The following MINDY4 variants were observed in gnomAD, a reference collection of about 807,000 sequenced individuals.
MINDY4 encodes the protein MINDY lysine 48 deubiquitinase 4, also known as probable ubiquitin carboxyl-terminal hydrolase MINDY-4.
Under a neutral mutation model 87.0 loss-of-function variants are expected in MINDY4, and 68 were observed. The ratio of observed to expected loss-of-function variants is 0.78; its 90% CI spans 0.64 to 0.96. The LOEUF is 0.96. MINDY4 is among the 40% of genes least tolerant of loss of function. MINDY4 has a pLI of 0.00. For synonymous variants in MINDY4, 379 were observed against 363.2 expected (o/e 1.04, Z -0.50); for missense variants, 919 against 928.2 (o/e 0.99, Z 0.13).
intron 5 of MINDY4, among the ~76,000 whole-genome samples, chr7:30,793,604 A>T (rs1278861886): frequency 6.6e-6 from 1 of 152,028 alleles, no homozygotes; most frequent in Non-Finnish European, 1.5e-5. Context: ...TATTTTTTGT[A>T]GAGACGGGGT....
intron 17 of MINDY4, among the ~76,000 whole-genome samples, chr7:30,883,873 T>G (rs1417340733): frequency 6.6e-6 from 1 of 152,114 alleles, no homozygotes; most frequent in Non-Finnish European, 1.5e-5. Context: ...TTGCTGCTTC[T>G]TGGTGTGAGC....
intron 4 of MINDY4, among the ~76,000 whole-genome samples, chr7:30,790,777 A>G (rs1252703241): frequency 6.6e-6 from 1 of 152,148 alleles, no homozygotes; most frequent in East Asian, 1.9e-4. Context: ...CAGGTAGTGG[A>G]TTGTGGACTG....
intron 5 of MINDY4, among the ~76,000 whole-genome samples, chr7:30,800,444 T>G (rs1213588638): frequency 2.0e-5 from 3 of 152,188 alleles, no homozygotes; most frequent in Non-Finnish European, 2.9e-5. Flanking sequence ...GGTCACGTCC[T>G]TTTGTCTTAG....
chr7:30,849,328 T>A (rs916022533), intron 9 of MINDY4, among the ~76,000 whole-genome samples: 5 of 152,310 alleles, frequency 3.3e-5, no homozygotes, highest in African/African-American at 1.2e-4. Flanking sequence ...CTTCATCAAG[T>A]CCTTTTGTTT....
chr7:30,879,567 C>T (rs1790394929), intron 15 of MINDY4, among the ~76,000 whole-genome samples: 1 of 152,258 alleles, frequency 6.6e-6, no homozygotes, highest in Non-Finnish European at 1.5e-5. Context: ...CACTCTCTCC[C>T]GCAGGCTGGG....
rs974908813 is a variant in MINDY4, at chr7:30,865,240, T to A, written c.1745+5916T>A. 2.1e-4 allele frequency among the ~76,000 whole-genome samples: 32 copies of A among 152,318 alleles called. 1 individual carries two copies. Among genetic ancestry groups the A allele is most frequent in the Middle Eastern group, 3.4e-3 (1 of 294 alleles). Reference sequence around the variant, plus strand: ...TGTGAGGCAGGGTGGGTTGGGTAAGTGTCCTTCCTACCCAGCATGCTAAGA... The same window carrying A: ...TGTGAGGCAGGGTGGGTTGGGTAAGAGTCCTTCCTACCCAGCATGCTAAGA... On this transcript the variant is annotated intron_variant, in intron 13 of 17. Transcript: ENST00000265299.
chr7:30,867,508 A>G (rs1241782712), intron 13 of MINDY4, among the ~76,000 whole-genome samples: 1 of 152,222 alleles, frequency 6.6e-6, no homozygotes, highest in Non-Finnish European at 1.5e-5. Flanking sequence ...CCTGTATTGC[A>G]AATGGGGAGA....
intron 4 of MINDY4, among the ~76,000 whole-genome samples, chr7:30,788,789 C>T (rs1431534550): frequency 3.3e-5 from 5 of 152,198 alleles, no homozygotes; most frequent in African/African-American, 1.2e-4. Context: ...CTGCCATCCT[C>T]CACGGTCAGC....
intron 15 of MINDY4, among the ~76,000 whole-genome samples, chr7:30,881,184 T>C (rs570189251): frequency 6.2e-4 from 94 of 152,250 alleles, no homozygotes; most frequent in African/African-American, 2.1e-3. Context: ...GGAGAGGCGC[T>C]GGCCAAGAAG....
At chr7:30,838,841 G>A (rs1416645063) in intron 7 of MINDY4, among the ~76,000 whole-genome samples, 3 of 152,118 alleles carry the variant, frequency 2.0e-5, no homozygotes, top group Non-Finnish European at 2.9e-5. Flanking sequence ...ATGTGAGGTC[G>A]AGTTTGAAAA....
At chr7:30,783,390 T>C (rs1301249589) in intron 3 of MINDY4, among the ~76,000 whole-genome samples, 1 of 152,164 alleles carries the variant, frequency 6.6e-6, no homozygotes, top group Non-Finnish European at 1.5e-5. Context: ...TTTAATCACA[T>C]CTGCAAAATC....
rs749547397 is a variant in MINDY4, at chr7:30,791,165, G to C, written c.664G>C (p.Asp222His). Residue 222 changes from aspartate (D) to histidine (H), a missense_variant and splice_region_variant, in exon 5 of 18, where the codon GAT becomes CAT. Physicochemically the swap from Asp to His is moderately conservative, Grantham distance 81 (BLOSUM62 -1). Coordinates refer to ENST00000265299, the MANE Select transcript of MINDY4 (RefSeq NM_032222.3). ...MSGPIASSPQ[D>H]SFHRHYLRRS... ...CTGCTTTTGTCCTTACTCCCTTTAG[G>C]ATTCTTTTCACAGACACTATCTGAG... 6.9e-6 allele frequency: 11 copies of C among 1,603,776 alleles called. No homozygotes were observed. Among genetic ancestry groups the C allele is most frequent in the Non-Finnish European group, 9.4e-6 (11 of 1,172,762 alleles).
chr7:30,858,478 T>A (rs1425694294), intron 12 of MINDY4: 1 of 152,044 alleles, frequency 6.6e-6, no homozygotes, highest in African/African-American at 2.4e-5. Flanking sequence ...AATTAGGCGG[T>A]CAGGCCCCGG....
intron 5 of MINDY4, among the ~76,000 whole-genome samples, chr7:30,827,463 G>C (rs1033740861): frequency 1.3e-5 from 2 of 152,224 alleles, no homozygotes; most frequent in South Asian, 4.2e-4. Context: ...ACTCAGTGTC[G>C]ACTGCCCCTT....
At chr7:30,792,174 C>A (rs1787344130) in intron 5 of MINDY4, among the ~76,000 whole-genome samples, 1 of 152,162 alleles carries the variant, frequency 6.6e-6, no homozygotes, top group South Asian at 2.1e-4. Context: ...TTACAATAAG[C>A]CTTAATGATT....
At chr7:30,832,286 C>T (rs945286531) in intron 6 of MINDY4, among the ~76,000 whole-genome samples, 3 of 152,236 alleles carry the variant, frequency 2.0e-5, no homozygotes, top group African/African-American at 7.2e-5. Context: ...TAAATACTGT[C>T]ACTTTGTGCC....
At chr7:30,773,032 C>T (rs978023801) in intron 1 of MINDY4, among the ~76,000 whole-genome samples, 1 of 152,120 alleles carries the variant, frequency 6.6e-6, no homozygotes, top group Non-Finnish European at 1.5e-5. Context: ...TCCTCTCCCT[C>T]GCATGTTTTA....
chr7:30,885,293 G>A (rs1040931484), intron 17 of MINDY4, among the ~76,000 whole-genome samples: 5 of 152,150 alleles, frequency 3.3e-5, no homozygotes, highest in Non-Finnish European at 5.9e-5. Context: ...GCCGAGACGG[G>A]CAGATCACCT....
In MINDY4 at chr7:30,884,570, C is replaced by T. The variant is rs1355686480; in HGVS notation, c.2225+1577C>T. On this transcript the variant is annotated intron_variant, in intron 17 of 17. Coordinates refer to ENST00000265299, the MANE Select transcript of MINDY4 (RefSeq NM_032222.3). ...GGGCCTGTTGAGCAGGGCTCCAACACCCTGGACACAGCCGCAGCTTGCCTC... is the reference window on the plus strand; with the variant it reads ...GGGCCTGTTGAGCAGGGCTCCAACATCCTGGACACAGCCGCAGCTTGCCTC... Among the ~76,000 whole-genome samples the T allele has an allele frequency of 5.9e-5, 9 of 152,312 alleles. No individual in the cohort carries two copies. The East Asian group carries it at 1.7e-3, about 29-fold the overall frequency.
Sources: allele counts gnomAD v4.1 joint callset (sites outside exome capture counted in the v4.1 genomes callset), GRCh38; gene constraint gnomAD v4.1.1; transcripts MANE v1.5; gene names NCBI Gene and HGNC (gene_info 2026-07-23, HGNC 2026-07-21).